Variants in HCN1 observed in about 807,000 individuals in gnomAD.
HCN1 encodes potassium/sodium hyperpolarization-activated cyclic nucleotide-gated channel 1.
Under a neutral mutation model 78.9 loss-of-function variants are expected in HCN1, and 13 were observed. The observed-to-expected ratio is 0.16, with a 90% CI of 0.11 to 0.26. The LOEUF (loss-of-function observed/expected upper bound fraction) is 0.26, where lower values mean the gene tolerates loss of function less well. Among genes scored for constraint, HCN1 ranks in the 10% least tolerant of loss-of-function variants. The pLI, the probability that HCN1 is intolerant of heterozygous loss-of-function variation, is 1.00. For missense variants in HCN1, 810 were observed against 1,154.3 expected (o/e 0.70, Z 4.32); for synonymous variants, 552 against 455.5 (o/e 1.21, Z -2.70).
rs1298955835 is a variant in HCN1, at chr5:45,330,193, GT to G, written c.1377+22906del. 6.0e-5 allele frequency among the ~76,000 whole-genome samples: 9 copies of G among 151,148 alleles called. No homozygotes were observed. In the Admixed American group the frequency reaches 6.0e-4, roughly 10 times the overall value. On this transcript the variant is annotated intron_variant, in intron 5 of 7. Transcript: ENST00000303230. ...TTTGTATTTGATTAGTTTTCCACTT[GT>G]GCTTTTGTATGTTCCAAGATCCAAA... is the stretch of plus-strand genomic sequence containing the variant.
chr5:45,470,906 T>C (rs775078860), intron 2 of HCN1, among the ~76,000 whole-genome samples: 1 of 151,938 alleles, frequency 6.6e-6, no homozygotes, highest in Non-Finnish European at 1.5e-5. Context: ...AGAGCTATCA[T>C]AATTGTTGTT....
intron 2 of HCN1, among the ~76,000 whole-genome samples, chr5:45,522,996 C>T (rs1199274024): frequency 6.6e-6 from 1 of 151,794 alleles, no homozygotes; most frequent in Non-Finnish European, 1.5e-5. Flanking sequence ...CTCCTAAGGC[C>T]ATCCCTCCCC....
intron 5 of HCN1, among the ~76,000 whole-genome samples, chr5:45,334,296 T>G (rs1349919555): frequency 6.6e-6 from 1 of 151,876 alleles, no homozygotes; most frequent in Non-Finnish European, 1.5e-5. Flanking sequence ...TTTCTGTCTG[T>G]TTTCCCTGTG....
Position 45,255,808 on chromosome 5 carries a change from A to G in HCN1, c.*6113T>C, listed in dbSNP as rs1230258605. On this transcript the variant is annotated 3_prime_UTR_variant, in exon 8 of 8. Coordinates refer to ENST00000303230, the MANE Select transcript of HCN1 (RefSeq NM_021072.4). ...TCCTCACAAATTTAACAGGAAATAA[A>G]AACCTTTCAAGAAAGTCTCTTTGCC... 6.6e-6 allele frequency: 1 copy of G among 152,190 alleles called. No individual in the cohort carries two copies. Among genetic ancestry groups the G allele is most frequent in the Non-Finnish European group, 1.5e-5 (1 of 68,022 alleles). 9.4% of individuals were successfully genotyped at this position (152,190 alleles called of 1,614,324 possible). A position where few individuals can be genotyped will look rare whatever the true frequency, so the allele number is the denominator to read the frequency against.
chr5:45,403,178 G>A (rs1739858284), intron 3 of HCN1, among the ~76,000 whole-genome samples: 1 of 152,038 alleles, frequency 6.6e-6, no homozygotes, highest in Admixed American at 6.6e-5. Context: ...GCTTGTGTTT[G>A]CAAGGGCCAA....
At chr5:45,413,344 G>A (rs1240995998) in intron 3 of HCN1, among the ~76,000 whole-genome samples, 1 of 152,022 alleles carries the variant, frequency 6.6e-6, no homozygotes, top group Admixed American at 6.6e-5. Flanking sequence ...ACACTGTTGA[G>A]ATACAGTATC....
intron 2 of HCN1, among the ~76,000 whole-genome samples, chr5:45,510,374 T>C (rs766470302): frequency 7.2e-5 from 11 of 152,104 alleles, no homozygotes; most frequent in Non-Finnish European, 1.0e-4. Flanking sequence ...AACATTCTAT[T>C]ATATGACTAG....
At chr5:45,456,656 C>A (rs1741035008) in intron 3 of HCN1, among the ~76,000 whole-genome samples, 1 of 151,890 alleles carries the variant, frequency 6.6e-6, no homozygotes, top group Non-Finnish European at 1.5e-5. Context: ...ACAAATACAT[C>A]TTAATGTAAA....
At chr5:45,297,005 GAC>G (rs1274346455) in intron 6 of HCN1, among the ~76,000 whole-genome samples, 1 of 151,984 alleles carries the variant, frequency 6.6e-6, no homozygotes, top group Non-Finnish European at 1.5e-5. Flanking sequence ...AAGAATTAAA[GAC>G]ACACACACAG....
intron 2 of HCN1, among the ~76,000 whole-genome samples, chr5:45,508,170 G>A (rs1166668429): frequency 6.6e-6 from 1 of 151,998 alleles, no homozygotes; most frequent in Non-Finnish European, 1.5e-5. Context: ...AACTCTTAAG[G>A]TTCATGTGAT....
chr5:45,311,278 C>G (rs574043535), intron 5 of HCN1, among the ~76,000 whole-genome samples: 1 of 152,126 alleles, frequency 6.6e-6, no homozygotes, highest in African/African-American at 2.4e-5. Context: ...GAAATTCTCT[C>G]TCCAAGGAAT....
chr5:45,561,064 T>A (rs1743590061), intron 2 of HCN1, among the ~76,000 whole-genome samples: 3 of 152,218 alleles, frequency 2.0e-5, no homozygotes, highest in East Asian at 1.9e-4. Flanking sequence ...AAATTTTTTT[T>A]AAAGAGAAAA....
intron 5 of HCN1, among the ~76,000 whole-genome samples, chr5:45,338,012 G>A (rs1031466672): frequency 4.6e-5 from 7 of 152,088 alleles, no homozygotes; most frequent in Admixed American, 6.6e-5. Context: ...ATGGTATGAG[G>A]TTTTTGTAAG....
At chr5:45,264,079 C>A (rs1432242777) in intron 7 of HCN1, among the ~76,000 whole-genome samples, 1 of 152,240 alleles carries the variant, frequency 6.6e-6, no homozygotes, top group Non-Finnish European at 1.5e-5. Context: ...AGGCGTGAGC[C>A]ACCACGCCCA....
chr5:45,572,794 C>A (rs1472164667), intron 2 of HCN1, among the ~76,000 whole-genome samples: 1 of 152,012 alleles, frequency 6.6e-6, no homozygotes, highest in African/African-American at 2.4e-5. Flanking sequence ...TGAACACAAG[C>A]CCTTCCCTTA....
intron 6 of HCN1, among the ~76,000 whole-genome samples, chr5:45,285,404 T>C (rs1047764049): frequency 4.6e-5 from 7 of 152,050 alleles, no homozygotes; most frequent in Non-Finnish European, 5.9e-5. Context: ...ACTCTTCTTA[T>C]ATTATTATAG....
In HCN1 at chr5:45,262,506, G is replaced by C; in HGVS notation, c.2088C>G (p.Pro696=). The change falls in exon 8 of 8, where the codon CCC becomes CCG. Residue 696 remains proline, a synonymous_variant. Coordinates refer to ENST00000303230, the MANE Select transcript of HCN1 (RefSeq NM_021072.4). The part of the protein sequence containing the change: ...QTPQPSAILS[P]CSYTTAVCSP... ...TGCAGACCGCGGTGGTGTAGGAGCAGGGTGACAGGATGGCTGATGGCTGGG... is the reference window on the plus strand; with the variant it reads ...TGCAGACCGCGGTGGTGTAGGAGCACGGTGACAGGATGGCTGATGGCTGGG... The C allele has an allele frequency of 6.2e-7, 1 of 1,613,780 alleles. No homozygotes were observed. Among genetic ancestry groups the C allele is most frequent in the Non-Finnish European group, 8.5e-7 (1 of 1,179,970 alleles).
At chr5:45,445,751 C>A (rs2111581736) in intron 3 of HCN1, among the ~76,000 whole-genome samples, 1 of 152,262 alleles carries the variant, frequency 6.6e-6, no homozygotes, top group East Asian at 1.9e-4. Flanking sequence ...GTTCTGCAGA[C>A]ACCGCTGCTG....
At chr5:45,360,499 C>CAT (rs1484323629) in intron 4 of HCN1, among the ~76,000 whole-genome samples, 2 of 151,840 alleles carry the variant, frequency 1.3e-5, no homozygotes, top group Non-Finnish European at 2.9e-5. Flanking sequence ...TACATAAATT[C>CAT]ATATATATAG....
Sources: gnomAD v4.1 joint callset for allele counts (sites outside exome capture counted in the v4.1 genomes callset) on GRCh38, gnomAD v4.1.1 for gene constraint, MANE v1.5 for transcripts, NCBI Gene and HGNC (gene_info 2026-07-23, HGNC 2026-07-21) for gene names.